MOV10L1: variants seen among roughly 807,000 people sequenced by gnomAD.
MOV10L1 encodes the protein RNA helicase Mov10l1.
A neutral mutation model predicts 143.8 loss-of-function variants in MOV10L1; 110 were observed. The observed-to-expected ratio is 0.76, with a 90% CI of 0.66 to 0.90. MOV10L1 has a LOEUF of 0.90. Among genes scored for constraint, MOV10L1 ranks in the 40% least tolerant of loss-of-function variants. MOV10L1 has a pLI of 0.00. For missense variants in MOV10L1, 1,406 were observed against 1,526.8 expected, an observed-to-expected ratio of 0.92 and a Z score of 1.32; for synonymous variants, 593 against 581.1, an observed-to-expected ratio of 1.02 and a Z score of -0.29.
chr22:50,155,024 C>T (rs2063390586), intron 22 of MOV10L1, among the ~76,000 whole-genome samples: 1 of 151,998 alleles, frequency 6.6e-6, no homozygotes, highest in Non-Finnish European at 1.5e-5. Context: ...CACATGATTT[C>T]TTCTTTATCT....
chr22:50,120,763 G>A (rs1264191971), intron 10 of MOV10L1, 147 bp downstream of exon 10: 2 of 637,118 alleles, frequency 3.1e-6, no homozygotes, highest in Non-Finnish European at 5.5e-6. Flanking sequence ...TCACTGCCTG[G>A]CCGTGAGGGA....
Position 50,151,241 on chromosome 22 carries a change from A to T in MOV10L1, c.2892+342A>T, listed in dbSNP as rs1034382592. ...TGACCCCAAGGTCCCACTGAAGTGC[A>T]GGTCTGGGCTCTCAGCCAACCTTGC... On this transcript the variant is annotated intron_variant, in intron 21 of 26. Transcript: ENST00000262794. Among the ~76,000 whole-genome samples the T allele has an allele frequency of 2.6e-5, 4 of 152,356 alleles. No individual in the cohort carries two copies. In the East Asian group the frequency reaches 5.8e-4, roughly 22 times the overall value.
chr22:50,148,920 T>C (rs1457341737), intron 19 of MOV10L1, among the ~76,000 whole-genome samples: 1 of 152,178 alleles, frequency 6.6e-6, no homozygotes, highest in Non-Finnish European at 1.5e-5. Context: ...CATCTCGGCC[T>C]CCCAAAGTGC....
chr22:50,146,296 C>G (rs1366025941), intron 19 of MOV10L1, among the ~76,000 whole-genome samples: 1 of 151,912 alleles, frequency 6.6e-6, no homozygotes, highest in Admixed American at 6.6e-5. Flanking sequence ...AAGGTCAGAC[C>G]CTGGGGGCCA....
Position 50,150,887 on chromosome 22 carries a change from T to C in MOV10L1, c.2880T>C (p.His960=), listed in dbSNP as rs775080549. 1.8e-5 allele frequency: 29 copies of C among 1,614,050 alleles called. No homozygotes were observed. Among genetic ancestry groups the C allele is most frequent in the Non-Finnish European group, 2.2e-5 (26 of 1,180,028 alleles). ...DENAFGACGA[H]NPLLVTKLVK... ...ATGCTTTCGGTGCTTGTGGCGCACA[T>C]AATCCCCTGTTGGTGAGTCACAGAC... The change falls in exon 21 of 27, where the codon CAT becomes CAC. Residue 960 remains histidine, a synonymous_variant. Coordinates refer to ENST00000262794, the MANE Select transcript of MOV10L1 (RefSeq NM_018995.3).
At chr22:50,114,758 G>T in intron 7 of MOV10L1, 136 bp downstream of exon 7, 3 of 1,313,238 alleles carry the variant, frequency 2.3e-6, no homozygotes, top group Non-Finnish European at 3.1e-6. Flanking sequence ...GAGCTCTTCG[G>T]CTTCAGGCCC....
intron 3 of MOV10L1, among the ~76,000 whole-genome samples, chr22:50,103,740 C>A (rs1451337882): frequency 1.3e-5 from 2 of 152,148 alleles, no homozygotes; most frequent in African/African-American, 4.8e-5. Flanking sequence ...CAGCACCCAG[C>A]TGGGTCACAC....
At position 50,143,091 on chromosome 22, in the gene MOV10L1, C is replaced by T. The variant is rs2063037384; in HGVS notation, c.2228C>T (p.Pro743Leu). Residue 743 changes from proline to leucine, a missense_variant, in exon 17 of 27, where the codon CCA (proline) becomes CTA (leucine). This residue lies in a region of MOV10L1 where 1,233 missense variants were observed against 1,351.4 expected (regional missense o/e 0.91). Transcript: ENST00000262794. ...PKARKMEFFN[P>L]VLNENQKLAV... is the part of the protein sequence containing the mutation. ...GCAAGAAAGATGGAGTTTTTCAACC[C>T]AGTGCTAAATGAAAATCAGAAGTTA... 7 of 1,614,172 alleles carry T rather than the reference C, an allele frequency of 4.3e-6. No homozygotes were observed. Among genetic ancestry groups the T allele is most frequent in the Non-Finnish European group, 5.9e-6 (7 of 1,180,028 alleles).
intron 3 of MOV10L1, among the ~76,000 whole-genome samples, chr22:50,106,371 G>T (rs1602152648): frequency 8.9e-6 from 1 of 112,184 alleles, no homozygotes; most frequent in Non-Finnish European, 1.7e-5. Context: ...TTACTGTGTT[G>T]CCCAGGCTGG....
At chr22:50,141,919 G>T (rs766187297) in intron 15 of MOV10L1, among the ~76,000 whole-genome samples, 162 bp from the exon 16 acceptor site, 1 of 152,086 alleles carries the variant, frequency 6.6e-6, no homozygotes, top group African/African-American at 2.4e-5. Context: ...CTGATCGTTT[G>T]TTTTTTCTTT....
chr22:50,149,822 G>A (rs1389393495), intron 20 of MOV10L1, 108 bp downstream of exon 20: 2 of 990,678 alleles, frequency 2.0e-6, no homozygotes, highest in Non-Finnish European at 3.0e-6. Context: ...GGGTCAGGTG[G>A]AAGTGCCAAG....
intron 20 of MOV10L1, 107 bp from the exon 21 acceptor site, chr22:50,150,628 A>G (rs2063272784): frequency 7.8e-7 from 1 of 1,288,436 alleles, no homozygotes; most frequent in Non-Finnish European, 1.1e-6. Flanking sequence ...CCCTGCAGCA[A>G]GAGTGAGCAT....
chr22:50,138,131 A>C (rs569080701), intron 15 of MOV10L1, among the ~76,000 whole-genome samples: 1 of 152,290 alleles, frequency 6.6e-6, no homozygotes, highest in East Asian at 1.9e-4. Context: ...AATTTCTTTT[A>C]CCTACAAAAA....
intron 7 of MOV10L1, 32 bp downstream of exon 7, chr22:50,114,654 G>T (rs777316350): frequency 1.1e-4 from 171 of 1,609,028 alleles, no homozygotes; most frequent in Non-Finnish European, 1.4e-4. Context: ...ACTGCGTGAG[G>T]TCGGGTGGGC....
chr22:50,120,547 C>A lies in MOV10L1; in HGVS notation c.1500C>A (p.Ile500=). The A allele has an allele frequency of 6.2e-7, 1 of 1,613,408 alleles. No homozygotes were observed. The highest frequency in any genetic ancestry group is 8.5e-7 in the Non-Finnish European group (1 of 1,179,686). Residue 500 remains isoleucine (I), a synonymous_variant, in exon 10 of 27, where the codon ATC becomes ATA. Coordinates refer to ENST00000262794, the MANE Select transcript of MOV10L1 (RefSeq NM_018995.3). ...QLPSFLPQYP[I]PDRLRKCVEQ... is the part of the protein sequence containing the mutation. ...CAAGTTTTCTTCCCCAATATCCAAT[C>A]CCAGATAGACTTAGAAAATGTGTGG... is the stretch of plus-strand genomic sequence containing the variant.
chr22:50,114,363 T>G lies in MOV10L1; in HGVS notation c.885-18T>G. The G allele has an allele frequency of 6.2e-7, 1 of 1,610,960 alleles. No individual in the cohort carries two copies. The highest frequency in any genetic ancestry group is 8.5e-7 in the Non-Finnish European group (1 of 1,177,888). ...TTAGAAATCCTGGCTGTGTTCATAG[T>G]TAATTGTATTTTTCCAGGAATAAAG... is the stretch of plus-strand genomic sequence containing the variant. On this transcript the variant is annotated intron_variant, in intron 6 of 26. Transcript: ENST00000262794.
At chr22:50,130,444 G>A (rs1222017195) in intron 13 of MOV10L1, among the ~76,000 whole-genome samples, 1 of 152,172 alleles carries the variant, frequency 6.6e-6, no homozygotes, top group Non-Finnish European at 1.5e-5. Flanking sequence ...TATTGAGAAT[G>A]AATGAATGGA....
intron 15 of MOV10L1, among the ~76,000 whole-genome samples, chr22:50,137,450 A>G (rs564144497): frequency 5.5e-4 from 83 of 152,222 alleles, no homozygotes; most frequent in Non-Finnish European, 2.8e-4. Flanking sequence ...AGCAATAGAA[A>G]CTATCTAACA....
At chr22:50,146,433 G>A (rs1309282175) in intron 19 of MOV10L1, among the ~76,000 whole-genome samples, 1 of 152,058 alleles carries the variant, frequency 6.6e-6, no homozygotes, top group Non-Finnish European at 1.5e-5. Flanking sequence ...CAGGGAGGCT[G>A]AGTGAGGACC....
Sources: gnomAD v4.1 joint callset for allele counts (sites outside exome capture counted in the v4.1 genomes callset) on GRCh38, gnomAD v4.1.1 for gene constraint, gnomAD v4.1.1 regional missense constraint, MANE v1.5 for transcripts, NCBI Gene and HGNC (gene_info 2026-07-23, HGNC 2026-07-21) for gene names.